Variants in STK39 observed in about 807,000 individuals in gnomAD.
STK39 encodes STE20/SPS1-related proline-alanine-rich protein kinase.
In STK39, 20 loss-of-function variants were observed where a neutral mutation model predicts 77.8. That is an observed-to-expected ratio of 0.26 (90% confidence interval 0.18 to 0.37). The LOEUF (loss-of-function observed/expected upper bound fraction) is 0.37, where lower values mean the gene tolerates loss of function less well. Among genes scored for constraint, STK39 ranks in the 10% least tolerant of loss-of-function variants. The pLI is 1.00. For synonymous variants in STK39, 246 were observed against 234.1 expected (o/e 1.05, Z -0.47); for missense variants, 479 against 656.5 (o/e 0.73, Z 2.95).
At chr2:168,125,962 A>G (rs1687530640) in intron 10 of STK39, among the ~76,000 whole-genome samples, 1 of 152,224 alleles carries the variant, frequency 6.6e-6, no homozygotes. Flanking sequence ...AACAGCCACA[A>G]TACCAGCCCC....
chr2:167,956,688 A>ACACACACACACACACACG (rs1310652406), intron 17 of STK39, among the ~76,000 whole-genome samples: 1 of 46,242 alleles, frequency 2.2e-5, no homozygotes, highest in Non-Finnish European at 4.5e-5. Flanking sequence ...ACACACACAC[A>ACACACACACACACACACG]CACACACACT....
intron 16 of STK39, among the ~76,000 whole-genome samples, chr2:167,994,217 C>CA (rs1683773211): frequency 6.6e-6 from 1 of 152,128 alleles, no homozygotes; most frequent in Non-Finnish European, 1.5e-5. Flanking sequence ...GTTCTTAATA[C>CA]AAAATTTATC....
intron 10 of STK39, among the ~76,000 whole-genome samples, chr2:168,103,518 TA>T (rs2105455773): frequency 6.6e-6 from 1 of 152,352 alleles, no homozygotes; most frequent in East Asian, 1.9e-4. Flanking sequence ...TTTTATATTC[TA>T]AATTACACAA....
chr2:168,129,559 T>C lies in STK39; in HGVS notation c.1071A>G (p.Ile357Met). ...IEKLLTRTPD[I>M]AQRAKKVRRV... Reference sequence around the variant, plus strand: ...CACTTACCTTTTTGGCTCTTTGGGCTATGTCTGGTGTTCTTGTAAGCAGCT... The same window carrying C: ...CACTTACCTTTTTGGCTCTTTGGGCCATGTCTGGTGTTCTTGTAAGCAGCT... Residue 357 changes from isoleucine to methionine, a missense_variant, in exon 10 of 18, where the codon ATA becomes ATG. Physicochemically the swap from Ile to Met is conservative, Grantham distance 10 (BLOSUM62 1). Around this residue, in one of 3 missense-constraint regions of STK39, gnomAD observed 244 missense variants for 296.8 expected, o/e 0.82. Transcript: ENST00000355999. 1.2e-6 allele frequency: 2 copies of C among 1,614,106 alleles called. No homozygotes were observed. The highest frequency in any genetic ancestry group is 8.5e-7 in the Non-Finnish European group (1 of 1,179,960).
At chr2:168,217,243 T>C (rs1283418822) in intron 1 of STK39, among the ~76,000 whole-genome samples, 1 of 152,152 alleles carries the variant, frequency 6.6e-6, no homozygotes, top group African/African-American at 2.4e-5. Context: ...GGGAACATGT[T>C]CCATTACAGA....
chr2:168,227,814 C>T (rs528501153), intron 1 of STK39, among the ~76,000 whole-genome samples: 1 of 152,234 alleles, frequency 6.6e-6, no homozygotes, highest in South Asian at 2.1e-4. Flanking sequence ...CCCACCACCA[C>T]TCTCGGCTAA....
At chr2:168,101,662 T>C (rs1176378009) in intron 10 of STK39, among the ~76,000 whole-genome samples, 1 of 152,006 alleles carries the variant, frequency 6.6e-6, no homozygotes, top group Non-Finnish European at 1.5e-5. Context: ...TGCTTGAACC[T>C]GGGAGGCAGA....
intron 1 of STK39, among the ~76,000 whole-genome samples, chr2:168,202,570 T>C (rs1299606331): frequency 2.0e-5 from 3 of 152,090 alleles, no homozygotes; most frequent in Non-Finnish European, 4.4e-5. Context: ...GCAGGAGACA[T>C]AACTGCTTCT....
At chr2:168,074,720 A>G (rs962598548) in intron 12 of STK39, among the ~76,000 whole-genome samples, 5 of 152,312 alleles carry the variant, frequency 3.3e-5, no homozygotes, top group African/African-American at 9.6e-5. Flanking sequence ...GATTTTGCCA[A>G]CCCTCATGGC....
intron 5 of STK39, among the ~76,000 whole-genome samples, chr2:168,145,576 A>T (rs1427316785): frequency 6.6e-6 from 1 of 152,212 alleles, no homozygotes; most frequent in African/African-American, 2.4e-5. Context: ...TTGGCAACAA[A>T]TTCATTTTTA....
At chr2:168,032,199 A>G (rs1684847064) in intron 14 of STK39, among the ~76,000 whole-genome samples, 1 of 152,250 alleles carries the variant, frequency 6.6e-6, no homozygotes, top group Non-Finnish European at 1.5e-5. Flanking sequence ...TATAATATGT[A>G]ATCGTATTTC....
At chr2:167,964,538 A>G in intron 17 of STK39, 124 bp downstream of exon 17, 1 of 926,124 alleles carries the variant, frequency 1.1e-6, no homozygotes, top group Non-Finnish European at 1.7e-6. Context: ...CAAATGCAAA[A>G]ATTGATTCTA....
At chr2:168,072,811 T>C (rs1438908064) in intron 12 of STK39, among the ~76,000 whole-genome samples, 1 of 152,198 alleles carries the variant, frequency 6.6e-6, no homozygotes, top group African/African-American at 2.4e-5. Context: ...ACAGGAAGCA[T>C]CACTGTAGCA....
chr2:168,101,059 G>A (rs943184601), intron 10 of STK39, among the ~76,000 whole-genome samples: 17 of 152,104 alleles, frequency 1.1e-4, no homozygotes, highest in African/African-American at 2.2e-4. Flanking sequence ...CCTTTGCAGC[G>A]ACACAGATGA....
At chr2:168,211,030 A>G (rs574987783) in intron 1 of STK39, among the ~76,000 whole-genome samples, 63 of 152,344 alleles carry the variant, frequency 4.1e-4, no homozygotes, top group Non-Finnish European at 7.8e-4. Flanking sequence ...AAGAGAAAGT[A>G]TAACGTATTA....
chr2:168,210,366 G>A (rs1689860184), intron 1 of STK39, among the ~76,000 whole-genome samples: 1 of 152,102 alleles, frequency 6.6e-6, no homozygotes, highest in South Asian at 2.1e-4. Flanking sequence ...TGAAATGCTG[G>A]CTCAGAGAAT....
intron 14 of STK39, among the ~76,000 whole-genome samples, chr2:168,035,132 A>G (rs1172001486): frequency 6.6e-6 from 1 of 152,186 alleles, no homozygotes; most frequent in Non-Finnish European, 1.5e-5. Context: ...AGGGTTGTTC[A>G]TGCTTTTGAC....
intron 16 of STK39, among the ~76,000 whole-genome samples, chr2:168,011,807 T>G (rs1195277649): frequency 3.3e-5 from 5 of 152,156 alleles, no homozygotes; most frequent in Non-Finnish European, 7.4e-5. Flanking sequence ...AGCTGCATGG[T>G]TCTAGACACA....
At chr2:168,164,276 G>GA (rs904162080) in intron 3 of STK39, among the ~76,000 whole-genome samples, 57 of 151,938 alleles carry the variant, frequency 3.8e-4, no homozygotes, top group Non-Finnish European at 3.5e-4. Flanking sequence ...ACTGCTGAGA[G>GA]AAAAAAAACA....
Sources: gnomAD v4.1 joint callset for allele counts (sites outside exome capture counted in the v4.1 genomes callset) on GRCh38, gnomAD v4.1.1 for gene constraint, gnomAD v4.1.1 regional missense constraint, MANE v1.5 for transcripts, NCBI Gene and HGNC (gene_info 2026-07-23, HGNC 2026-07-21) for gene names.